ROBO1: variants seen among roughly 807,000 people sequenced by gnomAD.
The protein encoded by ROBO1 is roundabout guidance receptor 1.
A neutral mutation model predicts 195.9 loss-of-function variants in ROBO1; 149 were observed. That is an observed-to-expected ratio of 0.76 (90% CI 0.67 to 0.87). The LOEUF is 0.87. Ranked by LOEUF, ROBO1 falls within the 40% of genes least tolerant of loss-of-function variation. The pLI, the probability that ROBO1 is intolerant of heterozygous loss-of-function variation, is 0.00. For missense variants in ROBO1, 1,933 were observed against 2,068.3 expected (o/e 0.93, Z 1.27); for synonymous variants, 816 against 733.2 (o/e 1.11, Z -1.82).
intron 4 of ROBO1, among the ~76,000 whole-genome samples, chr3:78,878,600 A>T (rs925844136): frequency 6.6e-6 from 1 of 151,264 alleles, no homozygotes; most frequent in African/African-American, 2.4e-5. Flanking sequence ...AAAAAAAAAA[A>T]AAAAAAAACT....
At chr3:79,449,686 A>G (rs1284520525) in intron 2 of ROBO1, among the ~76,000 whole-genome samples, 3 of 152,196 alleles carry the variant, frequency 2.0e-5, no homozygotes, top group Admixed American at 2.0e-4. Flanking sequence ...AGGAGTCAAT[A>G]AAAGGAAAGT....
chr3:79,480,797 C>T (rs1434692085), intron 2 of ROBO1, among the ~76,000 whole-genome samples: 2 of 152,022 alleles, frequency 1.3e-5, no homozygotes, highest in Non-Finnish European at 2.9e-5. Context: ...AACAAAAGAA[C>T]CATTTACCTT....
intron 26 of ROBO1, among the ~76,000 whole-genome samples, chr3:78,626,272 G>A (rs546334567): frequency 1.7e-4 from 26 of 152,156 alleles, no homozygotes; most frequent in East Asian, 1.5e-3. Flanking sequence ...CTCAATTTTC[G>A]TAACATTCCA....
chr3:78,676,260 G>C (rs1575905993), intron 10 of ROBO1, among the ~76,000 whole-genome samples: 1 of 152,312 alleles, frequency 6.6e-6, no homozygotes, highest in Middle Eastern at 3.4e-3. Flanking sequence ...ACTCTAAAAA[G>C]CAGAGCACCT....
At chr3:78,987,021 G>C (rs572606125) in intron 3 of ROBO1, among the ~76,000 whole-genome samples, 205 of 151,636 alleles carry the variant, frequency 1.4e-3, no homozygotes, top group African/African-American at 4.0e-3. Flanking sequence ...TCACTAGTGA[G>C]TAAAAACATT....
intron 2 of ROBO1, among the ~76,000 whole-genome samples, chr3:79,481,658 C>A (rs543004052): frequency 6.6e-6 from 1 of 152,076 alleles, no homozygotes; most frequent in Non-Finnish European, 1.5e-5. Flanking sequence ...ATTTTCGAAC[C>A]ATTTTTAGTG....
chr3:79,612,492 G>A (rs901953163), intron 1 of ROBO1, among the ~76,000 whole-genome samples: 63 of 152,000 alleles, frequency 4.1e-4, no homozygotes, highest in African/African-American at 1.1e-3. Flanking sequence ...ATAAACATAC[G>A]GGTGCATGTG....
chr3:79,547,001 GA>G (rs1433866336), intron 2 of ROBO1, among the ~76,000 whole-genome samples: 4 of 151,828 alleles, frequency 2.6e-5, no homozygotes, highest in Non-Finnish European at 5.9e-5. Flanking sequence ...CTAACAGGGT[GA>G]AAACCCATCT....
intron 2 of ROBO1, among the ~76,000 whole-genome samples, chr3:79,324,466 G>T (rs2034120602): frequency 6.6e-6 from 1 of 152,294 alleles, no homozygotes; most frequent in Non-Finnish European, 1.5e-5. Flanking sequence ...ATGTGACAAG[G>T]TGGGAAGGGG....
intron 4 of ROBO1, among the ~76,000 whole-genome samples, chr3:78,785,167 T>C (rs1275915987): frequency 2.0e-5 from 3 of 152,242 alleles, no homozygotes. Flanking sequence ...TCTAAGATTA[T>C]AATCCTGTGT....
chr3:79,750,727 G>A (rs1704096561), intron 1 of ROBO1, among the ~76,000 whole-genome samples: 1 of 152,162 alleles, frequency 6.6e-6, no homozygotes, highest in Non-Finnish European at 1.5e-5. Context: ...CATCATGATT[G>A]TGAGGCTTCC....
chr3:78,673,501 T>C (rs1274989722), intron 10 of ROBO1, among the ~76,000 whole-genome samples: 34 of 136,954 alleles, frequency 2.5e-4, no homozygotes, highest in Admixed American at 4.7e-4. Flanking sequence ...ATATATAAAA[T>C]ATATAAAATA....
intron 4 of ROBO1, among the ~76,000 whole-genome samples, chr3:78,848,106 G>A (rs1246107072): frequency 6.6e-6 from 1 of 152,024 alleles, no homozygotes; most frequent in Non-Finnish European, 1.5e-5. Flanking sequence ...GAGAACACAG[G>A]AAATATTCTG....
intron 3 of ROBO1, among the ~76,000 whole-genome samples, chr3:79,041,458 G>C (rs2108333501): frequency 6.6e-6 from 1 of 151,720 alleles, no homozygotes; most frequent in Middle Eastern, 3.4e-3. Context: ...GCAATTATTA[G>C]TCCTATGTTG....
intron 2 of ROBO1, among the ~76,000 whole-genome samples, chr3:79,249,984 C>G (rs1315444400): frequency 3.3e-5 from 5 of 152,006 alleles, no homozygotes; most frequent in African/African-American, 1.2e-4. Flanking sequence ...AAGTGAAGAC[C>G]AGAGAAGTAA....
chr3:79,440,453 A>C (rs2107118281), intron 2 of ROBO1, among the ~76,000 whole-genome samples: 1 of 152,234 alleles, frequency 6.6e-6, no homozygotes, highest in Non-Finnish European at 1.5e-5. Flanking sequence ...TTACACTCAT[A>C]TATCACAGCC....
At chr3:79,018,116 CGTGCGTTTGCCCAGA>C (rs1457247419) in intron 3 of ROBO1, among the ~76,000 whole-genome samples, 1 of 152,122 alleles carries the variant, frequency 6.6e-6, no homozygotes, top group Non-Finnish European at 1.5e-5. Flanking sequence ...AGTGCTTAGA[CGTGCGTTTGCCCAGA>C]GTAATCTGGG....
At chr3:79,445,783 T>C (rs2039231036) in intron 2 of ROBO1, among the ~76,000 whole-genome samples, 1 of 151,360 alleles carries the variant, frequency 6.6e-6, no homozygotes. Context: ...TGCCTCAGCC[T>C]CCCGAGTAGC....
At chr3:78,832,875 C>T (rs908004549) in intron 4 of ROBO1, among the ~76,000 whole-genome samples, 4 of 151,924 alleles carry the variant, frequency 2.6e-5, no homozygotes, top group Admixed American at 6.6e-5. Context: ...AAGCACAGAG[C>T]AGAGAAACAA....
Sources: allele counts gnomAD v4.1 joint callset (sites outside exome capture counted in the v4.1 genomes callset), GRCh38; gene constraint gnomAD v4.1.1; transcripts MANE v1.5; gene names NCBI Gene and HGNC (gene_info 2026-07-23, HGNC 2026-07-21).